SMYD4: variants seen among roughly 807,000 people sequenced by gnomAD.
SMYD4 encodes protein-lysine N-methyltransferase SMYD4.
In SMYD4, 68 loss-of-function variants were observed where a neutral mutation model predicts 72.8. The observed-to-expected ratio is 0.93, with a 90% CI of 0.77 to 1.14. SMYD4 has a LOEUF of 1.14. Ranked by LOEUF, SMYD4 falls within the 50% of genes most tolerant of loss-of-function variation. SMYD4 has a pLI of 0.00. For missense variants in SMYD4, 984 were observed against 1,003.7 expected (o/e 0.98, Z 0.27); for synonymous variants, 407 against 388.6 (o/e 1.05, Z -0.56).
rs1292321731 is a variant in SMYD4, at chr17:1,783,269, C to CG, written c.2137+90dup. The CG allele has an allele frequency of 6.2e-6, 10 of 1,609,976 alleles. No individual in the cohort carries two copies. In the East Asian group the frequency reaches 6.7e-5, roughly 11 times the overall value. ...GGGGGAGCACCCTCAGTTTACAGAG[C>CG]GGGGGGTAACCAGGCAGACAAGGCC... On this transcript the variant is annotated intron_variant, in intron 9 of 10. Coordinates refer to ENST00000305513, the MANE Select transcript of SMYD4 (RefSeq NM_052928.3).
chr17:1,828,435 T>C (rs1911323074), intron 1 of SMYD4, among the ~76,000 whole-genome samples: 1 of 151,922 alleles, frequency 6.6e-6, no homozygotes, highest in Non-Finnish European at 1.5e-5. Flanking sequence ...TTTCCTCTAG[T>C]TTATATGCTA....
At chr17:1,806,602 C>G (rs1166813829) in intron 3 of SMYD4, among the ~76,000 whole-genome samples, 1 of 152,060 alleles carries the variant, frequency 6.6e-6, no homozygotes, top group Non-Finnish European at 1.5e-5. Flanking sequence ...TACAACTGTA[C>G]AGAAATGCCA....
intron 2 of SMYD4, among the ~76,000 whole-genome samples, chr17:1,825,511 CTTTTT>C (rs58470302): frequency 1.9e-5 from 2 of 107,824 alleles, no homozygotes; most frequent in Admixed American, 9.6e-5. Context: ...CATTTTCTTT[CTTTTT>C]TTTTTTTTTT....
At chr17:1,783,714 C>T (rs778961921) in intron 8 of SMYD4, 2 of 604,628 alleles carry the variant, frequency 3.3e-6, no homozygotes, top group Non-Finnish European at 5.6e-6. Flanking sequence ...GTATTTTCAA[C>T]ATTAACTTCC....
intron 4 of SMYD4, among the ~76,000 whole-genome samples, chr17:1,803,347 C>T (rs1481011306): frequency 1.3e-5 from 2 of 152,202 alleles, no homozygotes; most frequent in Non-Finnish European, 2.9e-5. Context: ...CTTAAACACG[C>T]TCTACTTATT....
chr17:1,805,681 G>A (rs1909991822), intron 3 of SMYD4, among the ~76,000 whole-genome samples: 3 of 151,662 alleles, frequency 2.0e-5, no homozygotes, highest in South Asian at 2.1e-4. Context: ...GCATGGTGGC[G>A]CACGCCTGTA....
chr17:1,791,919 C>G (rs1909052477), intron 5 of SMYD4, among the ~76,000 whole-genome samples: 2 of 151,900 alleles, frequency 1.3e-5, no homozygotes, highest in Non-Finnish European at 2.9e-5. Flanking sequence ...ATTGAAATTA[C>G]AAAAGGAATA....
chr17:1,785,381 GCACCAC>G (rs1908616033), intron 7 of SMYD4, among the ~76,000 whole-genome samples: 2 of 143,228 alleles, frequency 1.4e-5, no homozygotes, highest in Non-Finnish European at 3.0e-5. Context: ...AGCCGAGATT[GCACCAC>G]TGCACTCCAG....
At chr17:1,786,549 T>C (rs1386588401) in intron 7 of SMYD4, among the ~76,000 whole-genome samples, 5 of 152,146 alleles carry the variant, frequency 3.3e-5, no homozygotes, top group East Asian at 1.9e-4. Flanking sequence ...CTTCAGCAAA[T>C]AAATTCCCAG....
chr17:1,779,504 CAAAACA>C lies in SMYD4; in HGVS notation c.*1776_*1781del, dbSNP rs1216502731. 13 of 152,984 alleles carry C rather than the reference CAAAACA, an allele frequency of 8.5e-5. No individual in the cohort carries two copies. Among genetic ancestry groups the C allele is most frequent in the South Asian group, 2.1e-4 (1 of 4,836 alleles). 9.5% of individuals were successfully genotyped at this position (152,984 alleles called of 1,614,324 possible). ...AAAAACAAAACAAAACAAAACAAAA[CAAAACA>C]AAACCAACAACTCAGAAGGAGGCAT... is the stretch of plus-strand genomic sequence containing the variant. On this transcript the variant is annotated 3_prime_UTR_variant, in exon 11 of 11. Coordinates refer to ENST00000305513, the MANE Select transcript of SMYD4 (RefSeq NM_052928.3).
At position 1,804,697 on chromosome 17, in the gene SMYD4, G is replaced by C. The variant is rs1235094378; in HGVS notation, c.298C>G (p.Pro100Ala). ...LYSKGVSHSR[P>A]NTEDMSLCHA... ...CACAGTGACATGTCCTCAGTGTTAG[G>C]CCTTGAATGTGACACTCCCTGCAAA... The change falls in exon 4 of 11, where the codon CCT (proline) becomes GCT (alanine). Residue 100 changes from proline to alanine, a missense_variant. Coordinates refer to ENST00000305513, the MANE Select transcript of SMYD4 (RefSeq NM_052928.3). The C allele has an allele frequency of 3.1e-6, 5 of 1,613,418 alleles. No homozygotes were observed. In the South Asian group the frequency reaches 5.5e-5, roughly 18 times the overall value.
intron 2 of SMYD4, among the ~76,000 whole-genome samples, chr17:1,816,633 A>T (rs553635945): frequency 1.1e-4 from 16 of 150,338 alleles, no homozygotes; most frequent in East Asian, 4.0e-4. Context: ...AAAAAAAAAA[A>T]TTTTTTTTTA....
chr17:1,802,954 C>T (rs1023665672), intron 4 of SMYD4, among the ~76,000 whole-genome samples: 1 of 152,174 alleles, frequency 6.6e-6, no homozygotes, highest in Non-Finnish European at 1.5e-5. Flanking sequence ...GAGTTTGAGA[C>T]CAGCCTGACC....
chr17:1,801,246 T>TC (rs397785090), intron 4 of SMYD4, among the ~76,000 whole-genome samples: 9 of 151,550 alleles, frequency 5.9e-5, no homozygotes, highest in African/African-American at 2.2e-4. Context: ...TTAAATTTTT[T>TC]CTTTTTTTTT....
At chr17:1,827,569 G>A (rs771818554) in intron 2 of SMYD4, among the ~76,000 whole-genome samples, 1 of 152,158 alleles carries the variant, frequency 6.6e-6, no homozygotes, top group Non-Finnish European at 1.5e-5. Flanking sequence ...GATGACAGAA[G>A]TGAATTAGTT....
chr17:1,785,817 C>T (rs1266231424), intron 7 of SMYD4, among the ~76,000 whole-genome samples: 1 of 150,780 alleles, frequency 6.6e-6, no homozygotes, highest in South Asian at 2.1e-4. Context: ...TAGGTGCGAT[C>T]GTCCTACATT....
At chr17:1,796,998 T>G (rs551977067) in intron 5 of SMYD4, among the ~76,000 whole-genome samples, 1 of 152,202 alleles carries the variant, frequency 6.6e-6, no homozygotes, top group Non-Finnish European at 1.5e-5. Flanking sequence ...AGTAGTATCA[T>G]GGGACCAGGC....
intron 5 of SMYD4, among the ~76,000 whole-genome samples, chr17:1,788,039 G>T (rs1224920475): frequency 6.6e-6 from 1 of 152,134 alleles, no homozygotes; most frequent in Non-Finnish European, 1.5e-5. Flanking sequence ...CAGAACAAGC[G>T]ACCTAGTTAC....
At chr17:1,823,971 C>A (rs1293358723) in intron 2 of SMYD4, among the ~76,000 whole-genome samples, 1 of 152,132 alleles carries the variant, frequency 6.6e-6, no homozygotes, top group Non-Finnish European at 1.5e-5. Flanking sequence ...CTTCAGATAG[C>A]CTAGTTTCAT....
Sources: allele counts gnomAD v4.1 joint callset (sites outside exome capture counted in the v4.1 genomes callset), GRCh38; gene constraint gnomAD v4.1.1; transcripts MANE v1.5; gene names NCBI Gene and HGNC (gene_info 2026-07-23, HGNC 2026-07-21).